The following MACROD2 variants were observed in gnomAD, a reference collection of about 807,000 sequenced individuals.
The protein encoded by MACROD2 is mono-ADP ribosylhydrolase 2.
Under a neutral mutation model 70.4 loss-of-function variants are expected in MACROD2, and 36 were observed. That is an observed-to-expected ratio of 0.51 (90% CI 0.39 to 0.68). The LOEUF is 0.68. Ranked by LOEUF, MACROD2 falls within the 30% of genes least tolerant of loss-of-function variation. The pLI, the probability that MACROD2 is intolerant of heterozygous loss-of-function variation, is 0.00. For missense variants in MACROD2, 496 were observed against 538.4 expected, an observed-to-expected ratio of 0.92 and a Z score of 0.78; for synonymous variants, 172 against 178.8, an observed-to-expected ratio of 0.96 and a Z score of 0.30.
At chr20:14,761,701 C>T (rs1230385609) in intron 5 of MACROD2, among the ~76,000 whole-genome samples, 1 of 152,004 alleles carries the variant, frequency 6.6e-6, no homozygotes, top group African/African-American at 2.4e-5. Flanking sequence ...TTTTTTAAGG[C>T]CACCAATCTG....
chr20:15,268,518 G>T (rs1466298837), intron 6 of MACROD2, among the ~76,000 whole-genome samples: 1 of 152,144 alleles, frequency 6.6e-6, no homozygotes, highest in Non-Finnish European at 1.5e-5. Context: ...GCCAGGTGTG[G>T]TCGTGGGCGC....
chr20:14,803,727 C>T (rs538177598), intron 5 of MACROD2, among the ~76,000 whole-genome samples: 1 of 152,010 alleles, frequency 6.6e-6, no homozygotes, highest in African/African-American at 2.4e-5. Flanking sequence ...GCGATTCACC[C>T]ACCTTGGCCT....
intron 5 of MACROD2, among the ~76,000 whole-genome samples, chr20:15,102,142 TAAAC>T (rs921928596): frequency 1.3e-5 from 2 of 151,966 alleles, no homozygotes; most frequent in Non-Finnish European, 2.9e-5. Flanking sequence ...ATTAAAAAAT[TAAAC>T]AATAGATAAA....
Position 15,793,333 on chromosome 20 carries a change from A to T in MACROD2, c.646-69412A>T, listed in dbSNP as rs375395388. ...AAGCCTAAGAATTTGTATTTCTAAC[A>T]GTTTCCCAGGTGATACTGCTGCCTC... On this transcript the variant is annotated intron_variant, in intron 8 of 17. Transcript: ENST00000684519. Among the ~76,000 whole-genome samples the T allele has an allele frequency of 2.6e-5, 4 of 152,288 alleles. No individual in the cohort carries two copies. In the East Asian group the frequency reaches 7.7e-4, roughly 29 times the overall value.
Position 14,798,982 on chromosome 20 carries a change from G to A in MACROD2, c.418+114023G>A, listed in dbSNP as rs755063511. Among the ~76,000 whole-genome samples, 15 of 151,982 alleles carry A rather than the reference G, an allele frequency of 9.9e-5. No individual in the cohort carries two copies. The Middle Eastern group carries it at 0.011, about 108-fold the overall frequency. ...ACTGTATATATTGAAATATATAACA[G>A]TTGTATACAGTGAATATATATTGAA... On this transcript the variant is annotated intron_variant, in intron 5 of 17. Coordinates refer to ENST00000684519, the MANE Select transcript of MACROD2 (RefSeq NM_001351661.2).
Position 15,123,622 on chromosome 20 carries a change from T to G in MACROD2, c.419-106318T>G, listed in dbSNP as rs577933224. Among the ~76,000 whole-genome samples, 98 of 138,772 alleles carry G rather than the reference T, an allele frequency of 7.1e-4. No individual in the cohort carries two copies. In the South Asian group the frequency reaches 0.022, roughly 31 times the overall value. The allele number at this position is 138,772 out of a possible 152,430, so 91.0% of individuals were successfully genotyped here. On this transcript the variant is annotated intron_variant, in intron 5 of 17. Transcript: ENST00000684519. ...ATTCATTGCACTTATTTTTTAAGTATGGCTACTAAAAAAATTGAAATCACG... is the reference window on the plus strand; with the variant it reads ...ATTCATTGCACTTATTTTTTAAGTAGGGCTACTAAAAAAATTGAAATCACG...
At chr20:14,838,569 T>C (rs901624421) in intron 5 of MACROD2, among the ~76,000 whole-genome samples, 4 of 152,144 alleles carry the variant, frequency 2.6e-5, no homozygotes, top group Non-Finnish European at 2.9e-5. Context: ...GTTTGCTGTG[T>C]TAATGCAGAT....
chr20:14,420,737 G>C (rs6042724), intron 3 of MACROD2, among the ~76,000 whole-genome samples: 1 of 152,072 alleles, frequency 6.6e-6, no homozygotes, highest in Non-Finnish European at 1.5e-5. Flanking sequence ...CTGTCACCTA[G>C]GCTGGAGTTC....
At chr20:14,985,685 CTTTTT>C (rs57486090) in intron 5 of MACROD2, among the ~76,000 whole-genome samples, 1 of 115,354 alleles carries the variant, frequency 8.7e-6, no homozygotes, top group Non-Finnish European at 2.0e-5. Context: ...TTCTCTTATT[CTTTTT>C]TTTTTTTTTT....
intron 6 of MACROD2, among the ~76,000 whole-genome samples, chr20:15,410,970 CAACAACATATCTTG>C (rs2046069784): frequency 6.6e-6 from 1 of 152,092 alleles, no homozygotes; most frequent in African/African-American, 2.4e-5. Flanking sequence ...TCTTTTTAGG[CAACAACATATCTTG>C]AACACCAATC....
At chr20:14,361,972 GT>G (rs555339251) in intron 3 of MACROD2, among the ~76,000 whole-genome samples, 2 of 152,140 alleles carry the variant, frequency 1.3e-5, no homozygotes, top group Non-Finnish European at 2.9e-5. Flanking sequence ...GACGTCTCTG[GT>G]TTATCTGCAC....
At chr20:15,334,453 C>T (rs2078026682) in intron 6 of MACROD2, among the ~76,000 whole-genome samples, 1 of 151,622 alleles carries the variant, frequency 6.6e-6, no homozygotes, top group Non-Finnish European at 1.5e-5. Flanking sequence ...TCTGACTCAA[C>T]CTCTAATTAG....
chr20:14,947,044 TG>T (rs1484301126), intron 5 of MACROD2, among the ~76,000 whole-genome samples: 2 of 152,196 alleles, frequency 1.3e-5, no homozygotes, highest in Non-Finnish European at 2.9e-5. Flanking sequence ...GCCGGATACC[TG>T]GCTGTCGGAT....
At chr20:14,049,812 G>A (rs2053539054) in intron 2 of MACROD2, among the ~76,000 whole-genome samples, 1 of 151,522 alleles carries the variant, frequency 6.6e-6, no homozygotes, top group African/African-American at 2.4e-5. Context: ...AGGCTGGTGC[G>A]GTGGCTCACG....
chr20:14,120,819 C>A (rs985477242), intron 3 of MACROD2, among the ~76,000 whole-genome samples: 3 of 150,820 alleles, frequency 2.0e-5, no homozygotes, highest in African/African-American at 7.3e-5. Context: ...AACAGAAAAC[C>A]AAACACCACA....
intron 3 of MACROD2, chr20:14,127,325 G>C (rs2054663867): frequency 3.3e-6 from 1 of 307,158 alleles, no homozygotes; most frequent in African/African-American, 2.2e-5. Context: ...CATAAGAAAA[G>C]TTTGGGCCAT....
In MACROD2 at chr20:14,222,600, A is replaced by G. The variant is rs774360446; in HGVS notation, c.271+136872A>G. On this transcript the variant is annotated intron_variant, in intron 3 of 17. Coordinates refer to ENST00000684519, the MANE Select transcript of MACROD2 (RefSeq NM_001351661.2). Reference sequence around the variant, plus strand: ...ACCACTATGCATGCAGTCCATGTATATAATAAAATTGCACTTATACCTCAT... The same window carrying G: ...ACCACTATGCATGCAGTCCATGTATGTAATAAAATTGCACTTATACCTCAT... 3.9e-5 allele frequency among the ~76,000 whole-genome samples: 6 copies of G among 152,316 alleles called. No homozygotes were observed. The Middle Eastern group carries it at 0.014, about 345-fold the overall frequency.
chr20:15,024,709 T>C lies in MACROD2; in HGVS notation c.419-205231T>C, dbSNP rs143831172. The stretch of plus-strand genomic sequence containing the variant: ...CTTCTTTATAATTCTATACCTATCC[T>C]GTGGTTACTATAGATTACCACTGAC... On this transcript the variant is annotated intron_variant, in intron 5 of 17. Coordinates refer to ENST00000684519, the MANE Select transcript of MACROD2 (RefSeq NM_001351661.2). Among the ~76,000 whole-genome samples the C allele has an allele frequency of 6.6e-3, 1,007 of 152,290 alleles. 10 individuals are homozygous for C. The highest frequency in any genetic ancestry group is 0.023 in the African/African-American group (960 of 41,568).
intron 5 of MACROD2, among the ~76,000 whole-genome samples, chr20:15,224,404 C>T (rs186593853): frequency 3.3e-5 from 5 of 152,270 alleles, no homozygotes; most frequent in Non-Finnish European, 5.9e-5. Context: ...TAAGGAGTCA[C>T]CTTGAGAGGA....
Sources: gnomAD v4.1 joint callset for allele counts (sites outside exome capture counted in the v4.1 genomes callset) on GRCh38, gnomAD v4.1.1 for gene constraint, MANE v1.5 for transcripts, NCBI Gene and HGNC (gene_info 2026-07-23, HGNC 2026-07-21) for gene names.